The following SLC14A2 variants were observed in gnomAD, a reference collection of about 807,000 sequenced individuals.
SLC14A2 encodes urea transporter 2.
A neutral mutation model predicts 104.6 loss-of-function variants in SLC14A2; 91 were observed. That is an observed-to-expected ratio of 0.87 (90% CI 0.73 to 1.04). SLC14A2 has a LOEUF of 1.04. Ranked by LOEUF, SLC14A2 falls within the 50% of genes least tolerant of loss-of-function variation. SLC14A2 has a pLI of 0.00. For synonymous variants in SLC14A2, 476 were observed against 466.4 expected, an observed-to-expected ratio of 1.02 and a Z score of -0.27; for missense variants, 1,189 against 1,156.0, an observed-to-expected ratio of 1.03 and a Z score of -0.41.
intron 1 of SLC14A2, among the ~76,000 whole-genome samples, chr18:45,312,334 C>A (rs1439627211): frequency 6.6e-6 from 1 of 151,666 alleles, no homozygotes; most frequent in Non-Finnish European, 1.5e-5. Context: ...AGATTTTGGT[C>A]TTAGATGTGG....
chr18:45,352,454 T>C (rs1279954227), intron 1 of SLC14A2, among the ~76,000 whole-genome samples: 17 of 152,092 alleles, frequency 1.1e-4, no homozygotes, highest in Non-Finnish European at 2.9e-5. Flanking sequence ...TTTGATACCT[T>C]TATTTATTTA....
Position 45,663,840 on chromosome 18 carries a change from G to C in SLC14A2, c.1407G>C (p.Glu469Asp), listed in dbSNP as rs375903225. 12 of 1,613,220 alleles carry C rather than the reference G, an allele frequency of 7.4e-6. No individual in the cohort carries two copies. Among genetic ancestry groups the C allele is most frequent in the Non-Finnish European group, 1.0e-5 (12 of 1,179,878 alleles). Reference protein sequence around the residue: ...TAGPKVEEGSEAVLSKHRSVF... With the variant: ...TAGPKVEEGSDAVLSKHRSVF... Reference sequence around the variant, plus strand: ...GCCCAAAGGTGGAGGAGGGCTCGGAGGCTGTGCTCTCCAAGCACAGGAGTG... The same window carrying C: ...GCCCAAAGGTGGAGGAGGGCTCGGACGCTGTGCTCTCCAAGCACAGGAGTG... Residue 469 changes from glutamate to aspartate, a missense_variant, in exon 11 of 20, where the codon GAG (glutamate) becomes GAC (aspartate). Transcript: ENST00000255226.
intron 1 of SLC14A2, among the ~76,000 whole-genome samples, chr18:45,446,859 T>C (rs999200033): frequency 2.7e-4 from 41 of 151,664 alleles, no homozygotes; most frequent in African/African-American, 9.9e-4. Context: ...GGAAGAGAGG[T>C]CATTCCTGCT....
At chr18:45,272,720 T>C (rs1300667214) in intron 1 of SLC14A2, among the ~76,000 whole-genome samples, 2 of 152,112 alleles carry the variant, frequency 1.3e-5, no homozygotes, top group East Asian at 3.9e-4. Context: ...TAGTCAATAA[T>C]AACTTAGTTG....
chr18:45,388,570 G>A (rs934898279), intron 1 of SLC14A2, among the ~76,000 whole-genome samples: 5 of 152,046 alleles, frequency 3.3e-5, no homozygotes, highest in African/African-American at 4.8e-5. Context: ...CCAAGATTGC[G>A]AATACCTGGG....
chr18:45,415,421 G>A (rs1311751052), intron 1 of SLC14A2, among the ~76,000 whole-genome samples: 8 of 152,064 alleles, frequency 5.3e-5, no homozygotes, highest in African/African-American at 1.4e-4. Flanking sequence ...CCCCATCAAA[G>A]CTCTGTAATC....
chr18:45,409,023 C>A (rs561652584), intron 1 of SLC14A2, among the ~76,000 whole-genome samples: 3 of 152,120 alleles, frequency 2.0e-5, no homozygotes, highest in South Asian at 2.1e-4. Context: ...TTGGACCGTT[C>A]ACATACCTTT....
intron 2 of SLC14A2, among the ~76,000 whole-genome samples, chr18:45,595,569 G>A (rs368135189): frequency 1.1e-4 from 16 of 152,222 alleles, no homozygotes; most frequent in African/African-American, 3.6e-4. Context: ...ACATGGTTGG[G>A]GCTAGAAATT....
intron 1 of SLC14A2, among the ~76,000 whole-genome samples, chr18:45,480,708 G>A (rs1476130320): frequency 1.3e-5 from 2 of 152,176 alleles, no homozygotes; most frequent in African/African-American, 2.4e-5. Flanking sequence ...CTGGGGGCCT[G>A]CATGGGCTTT....
rs2046055480 is a variant in SLC14A2 at position 45,667,886 on chromosome 18, G to A, written c.1771G>A (p.Val591Met). ...FDWVLRGTSQVMFVNNPLSGI... is the reference protein window; with the variant it reads ...FDWVLRGTSQMMFVNNPLSGI... ...CTGGGTCCTCCGAGGCACATCTCAA[G>A]TGATGTTTGTGAACAACCCCCTCAG... The change falls in exon 14 of 20, where the codon GTG becomes ATG. Residue 591 changes from valine to methionine, a missense_variant. Transcript: ENST00000255226. 1.2e-6 allele frequency: 2 copies of A among 1,614,038 alleles called. No individual in the cohort carries two copies. Among genetic ancestry groups the A allele is most frequent in the African/African-American group, 2.7e-5 (2 of 74,932 alleles).
intron 2 of SLC14A2, among the ~76,000 whole-genome samples, chr18:45,494,189 A>G (rs1324265714): frequency 1.3e-5 from 2 of 152,214 alleles, no homozygotes; most frequent in African/African-American, 4.8e-5. Context: ...CAATTTTTCC[A>G]TGTCCACCTT....
chr18:45,587,448 C>T (rs979521394), intron 2 of SLC14A2, among the ~76,000 whole-genome samples: 1 of 152,124 alleles, frequency 6.6e-6, no homozygotes, highest in African/African-American at 2.4e-5. Flanking sequence ...TTATTTGGCC[C>T]TTCGATTATG....
chr18:45,372,145 C>G (rs1245087140), intron 1 of SLC14A2, among the ~76,000 whole-genome samples: 2 of 151,994 alleles, frequency 1.3e-5, no homozygotes, highest in African/African-American at 4.8e-5. Flanking sequence ...AACTCCATCT[C>G]TACTAAAAAT....
chr18:45,477,263 T>A (rs2087399174), intron 1 of SLC14A2, among the ~76,000 whole-genome samples: 1 of 152,218 alleles, frequency 6.6e-6, no homozygotes, highest in Non-Finnish European at 1.5e-5. Context: ...TGCTGGAGCT[T>A]GCTGGAGGTC....
At chr18:45,513,140 C>A (rs1264496385) in intron 2 of SLC14A2, among the ~76,000 whole-genome samples, 2 of 152,168 alleles carry the variant, frequency 1.3e-5, no homozygotes, top group East Asian at 3.9e-4. Context: ...GTCATCAGGG[C>A]CAGCTTTTAG....
At chr18:45,379,572 A>G (rs1199999007) in intron 1 of SLC14A2, among the ~76,000 whole-genome samples, 1 of 152,182 alleles carries the variant, frequency 6.6e-6, no homozygotes, top group African/African-American at 2.4e-5. Flanking sequence ...AAGGTTCCCA[A>G]ATCTGGGTGA....
chr18:45,662,428 C>T (rs8087076), intron 10 of SLC14A2, among the ~76,000 whole-genome samples: 6,053 of 152,264 alleles, frequency 0.04, 399 homozygotes, highest in African/African-American at 0.14. Flanking sequence ...GTGTGATCTA[C>T]CCCAGTGCTT....
At chr18:45,446,010 G>A (rs2086763275) in intron 1 of SLC14A2, among the ~76,000 whole-genome samples, 1 of 152,082 alleles carries the variant, frequency 6.6e-6, no homozygotes. Context: ...GGAGTCACTG[G>A]GTTCTAACTT....
chr18:45,349,730 G>T (rs1437494291), intron 1 of SLC14A2, among the ~76,000 whole-genome samples: 1 of 152,182 alleles, frequency 6.6e-6, no homozygotes, highest in Non-Finnish European at 1.5e-5. Flanking sequence ...ATCATCCAAG[G>T]TGTTGTCATC....
Sources: gnomAD v4.1 joint callset for allele counts (sites outside exome capture counted in the v4.1 genomes callset) on GRCh38, gnomAD v4.1.1 for gene constraint, MANE v1.5 for transcripts, NCBI Gene and HGNC (gene_info 2026-07-23, HGNC 2026-07-21) for gene names.